KCND2: variants seen among roughly 807,000 people sequenced by gnomAD.
KCND2 encodes the protein potassium voltage-gated channel subfamily D member 2, also known as A-type voltage-gated potassium channel KCND2.
In KCND2, 16 loss-of-function variants were observed where a neutral mutation model predicts 54.4. The observed-to-expected ratio is 0.29, with a 90% CI of 0.20 to 0.45. The LOEUF (loss-of-function observed/expected upper bound fraction) is 0.45. Ranked by LOEUF, KCND2 falls within the 20% of genes least tolerant of loss-of-function variation. KCND2 has a pLI of 1.00. For missense variants in KCND2, 486 were observed against 824.2 expected (o/e 0.59, Z 5.02); for synonymous variants, 317 against 310.7 (o/e 1.02, Z -0.21).
intron 1 of KCND2, among the ~76,000 whole-genome samples, chr7:120,475,758 A>G (rs538993764): frequency 6.6e-4 from 100 of 152,338 alleles, no homozygotes; most frequent in African/African-American, 2.3e-3. Context: ...AATTGTGCCC[A>G]TATACAAAGT....
At chr7:120,682,812 G>T (rs1019758684) in intron 1 of KCND2, among the ~76,000 whole-genome samples, 2 of 152,134 alleles carry the variant, frequency 1.3e-5, no homozygotes, top group Non-Finnish European at 2.9e-5. Context: ...CTGAAGTTAG[G>T]CAGTTTCATG....
intron 1 of KCND2, among the ~76,000 whole-genome samples, chr7:120,551,511 G>A (rs941230185): frequency 6.6e-6 from 1 of 152,122 alleles, no homozygotes; most frequent in African/African-American, 2.4e-5. Flanking sequence ...TTGTACCTCT[G>A]AGTCAGGGTT....
At chr7:120,739,052 C>T (rs1460245992) in intron 2 of KCND2, among the ~76,000 whole-genome samples, 1 of 151,948 alleles carries the variant, frequency 6.6e-6, no homozygotes, top group Admixed American at 6.6e-5. Context: ...CTTCTTTTTC[C>T]CTAAGCTTAG....
chr7:120,608,809 G>A (rs1325519603), intron 1 of KCND2, among the ~76,000 whole-genome samples: 2 of 152,118 alleles, frequency 1.3e-5, no homozygotes, highest in Non-Finnish European at 2.9e-5. Flanking sequence ...TTAGACGAGA[G>A]GCTGATGTTG....
At chr7:120,394,214 C>T (rs1801119580) in intron 1 of KCND2, among the ~76,000 whole-genome samples, 1 of 151,944 alleles carries the variant, frequency 6.6e-6, no homozygotes, top group East Asian at 1.9e-4. Flanking sequence ...CCTGAAGGCT[C>T]AGAAGTTCGG....
At chr7:120,706,028 G>T (rs532515012) in intron 1 of KCND2, among the ~76,000 whole-genome samples, 1 of 152,102 alleles carries the variant, frequency 6.6e-6, no homozygotes, top group South Asian at 2.1e-4. Flanking sequence ...CATCCAGAGC[G>T]CAGGGCCATG....
At chr7:120,568,134 T>C (rs1018944847) in intron 1 of KCND2, among the ~76,000 whole-genome samples, 1 of 152,080 alleles carries the variant, frequency 6.6e-6, no homozygotes, top group African/African-American at 2.4e-5. Flanking sequence ...AGGAACTACA[T>C]TTAATGACTG....
intron 1 of KCND2, among the ~76,000 whole-genome samples, chr7:120,495,387 G>A (rs1270901170): frequency 1.3e-5 from 2 of 151,572 alleles, no homozygotes; most frequent in Non-Finnish European, 2.9e-5. Flanking sequence ...TCTTTGATGA[G>A]ACTTACTTTA....
intron 1 of KCND2, among the ~76,000 whole-genome samples, chr7:120,326,667 A>G (rs1419851492): frequency 6.6e-6 from 1 of 152,106 alleles, no homozygotes; most frequent in East Asian, 1.9e-4. Flanking sequence ...ATAAATATTA[A>G]TATTTTTCTT....
chr7:120,603,660 C>T (rs566578843), intron 1 of KCND2, among the ~76,000 whole-genome samples: 1 of 152,312 alleles, frequency 6.6e-6, no homozygotes, highest in Non-Finnish European at 1.5e-5. Context: ...ACCTCCTCCC[C>T]TGACTCCTTG....
At chr7:120,687,415 C>A (rs1250859699) in intron 1 of KCND2, among the ~76,000 whole-genome samples, 1 of 152,170 alleles carries the variant, frequency 6.6e-6, no homozygotes, top group Non-Finnish European at 1.5e-5. Flanking sequence ...GGATAAATCT[C>A]ATGGTAAATG....
intron 1 of KCND2, among the ~76,000 whole-genome samples, chr7:120,450,416 A>T (rs1802085544): frequency 6.6e-6 from 1 of 152,164 alleles, no homozygotes; most frequent in Non-Finnish European, 1.5e-5. Context: ...TAAAAAAAGA[A>T]AAAAATTACT....
intron 1 of KCND2, among the ~76,000 whole-genome samples, chr7:120,588,402 AGTGTGTGTGTGTGTGTGTGT>A (rs3993713): frequency 1.4e-5 from 2 of 141,312 alleles, no homozygotes; most frequent in African/African-American, 5.3e-5. Context: ...GCAACTGTGC[AGTGTGTGTGTGTGTGTGTGT>A]GTGTGTGTGT....
chr7:120,637,651 G>C (rs905337873), intron 1 of KCND2, among the ~76,000 whole-genome samples: 1 of 152,224 alleles, frequency 6.6e-6, no homozygotes, highest in Admixed American at 6.5e-5. Flanking sequence ...ATGTGGATAA[G>C]TAGATTAACT....
intron 1 of KCND2, among the ~76,000 whole-genome samples, chr7:120,351,244 G>GTGTATATATA (rs376321316): frequency 1.5e-3 from 212 of 137,344 alleles, no homozygotes; most frequent in African/African-American, 3.7e-3. Context: ...TTATATGTGT[G>GTGTATATATA]TATATATATA....
rs543177010 is a variant in KCND2 at position 120,579,141 on chromosome 7, A to C, written c.1116-153762A>C. On this transcript the variant is annotated intron_variant, in intron 1 of 5. Coordinates refer to ENST00000331113, the MANE Select transcript of KCND2 (RefSeq NM_012281.3). ...ACATATATTTTAACCATAATAAACC[A>C]TAAATAAACTATAGAAAGAGGATAG... Among the ~76,000 whole-genome samples the C allele has an allele frequency of 5.5e-4, 84 of 152,310 alleles. 1 individual carries two copies. The South Asian group carries it at 8.5e-3, about 15-fold the overall frequency.
chr7:120,295,258 GC>G (rs1182668359), intron 1 of KCND2, among the ~76,000 whole-genome samples: 1 of 151,572 alleles, frequency 6.6e-6, no homozygotes, highest in East Asian at 1.9e-4. Flanking sequence ...ATATTTGAGT[GC>G]CTACACTGGG....
intron 1 of KCND2, among the ~76,000 whole-genome samples, chr7:120,456,013 A>C (rs7798870): frequency 0.32 from 49,105 of 151,916 alleles, 10,998 homozygotes; most frequent in African/African-American, 0.62. Flanking sequence ...CACTTATGGG[A>C]AATTATTATT....
At chr7:120,666,724 A>T (rs1465284729) in intron 1 of KCND2, among the ~76,000 whole-genome samples, 2 of 151,980 alleles carry the variant, frequency 1.3e-5, no homozygotes, top group Admixed American at 1.3e-4. Flanking sequence ...TCTAACCACT[A>T]GGCTCCTCCA....
Sources: gnomAD v4.1 joint callset for allele counts (sites outside exome capture counted in the v4.1 genomes callset) on GRCh38, gnomAD v4.1.1 for gene constraint, MANE v1.5 for transcripts, NCBI Gene and HGNC (gene_info 2026-07-23, HGNC 2026-07-21) for gene names.